Variants in CLVS1 observed in about 807,000 individuals in gnomAD.
The protein encoded by CLVS1 is clavesin-1.
Under a neutral mutation model 33.1 loss-of-function variants are expected in CLVS1, and 10 were observed. That is an observed-to-expected ratio of 0.30 (90% CI 0.19 to 0.51). The LOEUF (loss-of-function observed/expected upper bound fraction) is 0.51, where lower values mean the gene tolerates loss of function less well. Among genes scored for constraint, CLVS1 ranks in the 20% least tolerant of loss-of-function variants. The pLI, the probability that CLVS1 is intolerant of heterozygous loss-of-function variation, is 0.97. For synonymous variants in CLVS1, 163 were observed against 166.1 expected, an observed-to-expected ratio of 0.98 and a Z score of 0.14; for missense variants, 343 against 433.4, an observed-to-expected ratio of 0.79 and a Z score of 1.85.
the CLVS1 span, among the ~76,000 whole-genome samples, chr8:61,020,848 G>C: frequency 6.6e-6 from 1 of 152,164 alleles, no homozygotes; most frequent in Non-Finnish European, 1.5e-5. Context: ...ATCTCAGACT[G>C]TTCCTGTATT....
intron 1 of CLVS1, among the ~76,000 whole-genome samples, chr8:61,121,648 T>C (rs1409924935): frequency 6.6e-6 from 1 of 152,206 alleles, no homozygotes; most frequent in East Asian, 1.9e-4. Flanking sequence ...TGAACAGATA[T>C]TGTGGCCTGT....
the CLVS1 span, among the ~76,000 whole-genome samples, chr8:60,981,447 CT>C: frequency 1.3e-5 from 2 of 152,226 alleles, no homozygotes; most frequent in African/African-American, 2.4e-5. Flanking sequence ...TGCTGCTCAG[CT>C]TGACTCAGCA....
intron 2 of CLVS1, among the ~76,000 whole-genome samples, chr8:61,353,790 G>C (rs1394680472): frequency 6.7e-6 from 1 of 149,090 alleles, no homozygotes; most frequent in African/African-American, 2.5e-5. Flanking sequence ...GAAAATCCAT[G>C]CAAAAAGTTG....
chr8:61,472,472 A>G (rs1325153198), intron 5 of CLVS1, among the ~76,000 whole-genome samples: 2 of 152,034 alleles, frequency 1.3e-5, no homozygotes, highest in African/African-American at 2.4e-5. Flanking sequence ...TGTGAGGAAC[A>G]CTCTATTTTG....
chr8:61,477,333 T>A (rs1817987692), intron 5 of CLVS1, among the ~76,000 whole-genome samples: 1 of 149,060 alleles, frequency 6.7e-6, no homozygotes, highest in Non-Finnish European at 1.5e-5. Flanking sequence ...TAGGGAGGAT[T>A]CCTTCTTTTC....
At chr8:61,280,734 G>T (rs1809652890) in intron 2 of CLVS1, among the ~76,000 whole-genome samples, 1 of 152,114 alleles carries the variant, frequency 6.6e-6, no homozygotes, top group Non-Finnish European at 1.5e-5. Flanking sequence ...AGGAAGTCTT[G>T]GGATATTATC....
intron 2 of CLVS1, among the ~76,000 whole-genome samples, chr8:61,273,284 C>A (rs1206649936): frequency 6.6e-6 from 1 of 152,142 alleles, no homozygotes; most frequent in Non-Finnish European, 1.5e-5. Flanking sequence ...CTGGGGGGTG[C>A]CTCCCAGTTA....
chr8:60,982,158 A>C, the CLVS1 span, among the ~76,000 whole-genome samples: 1 of 152,222 alleles, frequency 6.6e-6, no homozygotes, highest in East Asian at 1.9e-4. Flanking sequence ...CAGTCAGTGA[A>C]CAAAGTAATT....
At chr8:61,386,999 T>G (rs1814109813) in intron 3 of CLVS1, among the ~76,000 whole-genome samples, 1 of 152,216 alleles carries the variant, frequency 6.6e-6, no homozygotes, top group Non-Finnish European at 1.5e-5. Context: ...CTTGGACTTT[T>G]TGTTGTGTTC....
At chr8:61,011,121 C>T in the CLVS1 span, among the ~76,000 whole-genome samples, 29 of 152,326 alleles carry the variant, frequency 1.9e-4, no homozygotes, top group African/African-American at 6.0e-4. Context: ...TCATGGTTTT[C>T]GCTTGTGCAG....
intron 3 of CLVS1, among the ~76,000 whole-genome samples, chr8:61,393,082 A>G (rs941276789): frequency 1.3e-5 from 2 of 151,712 alleles, no homozygotes; most frequent in Non-Finnish European, 2.9e-5. Flanking sequence ...GGGTTTCTCC[A>G]TGTTGGTCAG....
At chr8:61,462,605 A>G (rs2129607358) in intron 5 of CLVS1, among the ~76,000 whole-genome samples, 1 of 152,334 alleles carries the variant, frequency 6.6e-6, no homozygotes, top group East Asian at 1.9e-4. Context: ...ACCTCCTTGT[A>G]CATATCCACC....
chr8:61,364,176 T>C (rs1813098487), intron 2 of CLVS1, among the ~76,000 whole-genome samples: 2 of 152,220 alleles, frequency 1.3e-5, no homozygotes. Context: ...TTATTGTTAC[T>C]TGTTAGCCAC....
intron 2 of CLVS1, among the ~76,000 whole-genome samples, chr8:61,181,730 C>T (rs201675538): frequency 3.5e-5 from 4 of 113,080 alleles, no homozygotes; most frequent in Non-Finnish European, 7.8e-5. Context: ...GATGGAGTCT[C>T]GCTCTGTCTC....
intron 1 of CLVS1, among the ~76,000 whole-genome samples, chr8:61,067,441 ATAT>A (rs1436980475): frequency 4.0e-5 from 6 of 148,728 alleles, no homozygotes; most frequent in Admixed American, 2.0e-4. Flanking sequence ...GATATATTAT[ATAT>A]TATTAGTTGA....
At chr8:61,158,094 T>C (rs1806683731) in intron 2 of CLVS1, among the ~76,000 whole-genome samples, 1 of 152,224 alleles carries the variant, frequency 6.6e-6, no homozygotes, top group African/African-American at 2.4e-5. Context: ...ATGGATAAAC[T>C]ATCATCTATT....
the CLVS1 span, among the ~76,000 whole-genome samples, chr8:61,036,855 C>T: frequency 3.3e-4 from 51 of 152,360 alleles, no homozygotes; most frequent in East Asian, 3.3e-3. Context: ...GAATTTAACA[C>T]AGCTTATCAT....
intron 2 of CLVS1, among the ~76,000 whole-genome samples, chr8:61,240,905 TTTTTTTA>T (rs1808685380): frequency 6.6e-6 from 1 of 150,554 alleles, no homozygotes; most frequent in African/African-American, 2.5e-5. Context: ...TTTTTTTTTT[TTTTTTTA>T]AAATAGAGAA....
At chr8:61,089,541 TC>T (rs1805191211) in intron 1 of CLVS1, among the ~76,000 whole-genome samples, 1 of 152,180 alleles carries the variant, frequency 6.6e-6, no homozygotes, top group African/African-American at 2.4e-5. Flanking sequence ...GATTACTGCT[TC>T]TTTAGTGTTC....
Sources: allele counts gnomAD v4.1 joint callset (sites outside exome capture counted in the v4.1 genomes callset), GRCh38; gene constraint gnomAD v4.1.1; transcripts MANE v1.5; gene names NCBI Gene and HGNC (gene_info 2026-07-23, HGNC 2026-07-21).